SLC25A21: variants seen among roughly 807,000 people sequenced by gnomAD.
SLC25A21 encodes the protein mitochondrial 2-oxodicarboxylate carrier.
Under a neutral mutation model 43.8 loss-of-function variants are expected in SLC25A21, and 47 were observed. That is an observed-to-expected ratio of 1.07 (90% CI 0.85 to 1.37). The LOEUF is 1.37. SLC25A21 is among the 40% of genes most tolerant of loss of function. The pLI is 0.00. For missense variants in SLC25A21, 352 were observed against 350.2 expected (o/e 1.00, Z -0.04); for synonymous variants, 131 against 121.3 (o/e 1.08, Z -0.52).
chr14:36,784,806 C>T (rs1168499375), intron 3 of SLC25A21, among the ~76,000 whole-genome samples: 5 of 152,200 alleles, frequency 3.3e-5, no homozygotes, highest in Non-Finnish European at 5.9e-5. Flanking sequence ...TATCTTACTC[C>T]ATGAGTCAGC....
At chr14:37,031,457 C>T (rs939827631) in intron 1 of SLC25A21, among the ~76,000 whole-genome samples, 5 of 152,136 alleles carry the variant, frequency 3.3e-5, no homozygotes, top group African/African-American at 1.2e-4. Context: ...ATCATACAAA[C>T]ATCTATAATA....
chr14:36,712,282 A>G (rs568245625), intron 6 of SLC25A21, among the ~76,000 whole-genome samples: 94 of 152,230 alleles, frequency 6.2e-4, no homozygotes, highest in African/African-American at 2.1e-3. Flanking sequence ...TCTTTTTTGA[A>G]GGCACTGTAC....
At chr14:36,742,012 T>C (rs1459526112) in intron 3 of SLC25A21, among the ~76,000 whole-genome samples, 2 of 152,224 alleles carry the variant, frequency 1.3e-5, no homozygotes, top group Admixed American at 6.5e-5. Context: ...CAGTCAATCA[T>C]ATCTTTACAA....
At chr14:37,016,426 T>C (rs1439843934) in intron 1 of SLC25A21, among the ~76,000 whole-genome samples, 2 of 152,192 alleles carry the variant, frequency 1.3e-5, no homozygotes, top group Non-Finnish European at 2.9e-5. Context: ...ACCAGTACCA[T>C]GCTGTTTTGG....
intron 1 of SLC25A21, among the ~76,000 whole-genome samples, chr14:37,139,433 T>C (rs1049159469): frequency 2.0e-5 from 3 of 152,124 alleles, no homozygotes; most frequent in African/African-American, 7.2e-5. Context: ...ATTTGCTGCA[T>C]AACAATGCTT....
chr14:37,066,727 T>C (rs1962068275), intron 1 of SLC25A21, among the ~76,000 whole-genome samples: 1 of 152,106 alleles, frequency 6.6e-6, no homozygotes, highest in African/African-American at 2.4e-5. Context: ...TATAAGTATG[T>C]ATATTTACAT....
At chr14:36,808,410 C>T (rs1250689114) in intron 3 of SLC25A21, among the ~76,000 whole-genome samples, 1 of 152,180 alleles carries the variant, frequency 6.6e-6, no homozygotes, top group Non-Finnish European at 1.5e-5. Flanking sequence ...ATTTGCTTGA[C>T]TGAACATATA....
rs1428440041 is a variant in SLC25A21, at chr14:36,865,281, TAA to T, written c.119+9673_119+9674del. Among the ~76,000 whole-genome samples the T allele has an allele frequency of 3.9e-5, 6 of 152,244 alleles. No homozygotes were observed. The South Asian group carries it at 1.2e-3, about 32-fold the overall frequency. ...CCCATCCTCAGGTTTCTCTTTTTAA[TAA>T]AGTTTGTGGTGGGCTTATGCCTCTA... On this transcript the variant is annotated intron_variant, in intron 2 of 9. Transcript: ENST00000331299.
intron 5 of SLC25A21, among the ~76,000 whole-genome samples, chr14:36,726,467 A>T (rs999726346): frequency 6.6e-6 from 1 of 152,102 alleles, no homozygotes; most frequent in Non-Finnish European, 1.5e-5. Context: ...AAGAAGAAGA[A>T]AAAGAAGAAA....
chr14:36,896,422 G>A (rs1267097202), intron 1 of SLC25A21, among the ~76,000 whole-genome samples: 1 of 151,990 alleles, frequency 6.6e-6, no homozygotes, highest in Non-Finnish European at 1.5e-5. Flanking sequence ...TTTATTTTGA[G>A]CTTATATGTG....
chr14:36,799,387 T>C (rs958055947), intron 3 of SLC25A21, among the ~76,000 whole-genome samples: 6 of 152,152 alleles, frequency 3.9e-5, no homozygotes, highest in African/African-American at 7.2e-5. Context: ...AGGAGAAAGA[T>C]GGAACATTCT....
intron 2 of SLC25A21, among the ~76,000 whole-genome samples, chr14:36,833,328 G>C (rs889524507): frequency 6.6e-6 from 1 of 152,190 alleles, no homozygotes; most frequent in Non-Finnish European, 1.5e-5. Context: ...CAGCTTCTGG[G>C]GCAGTGAGCA....
chr14:37,030,366 G>A (rs914407444), intron 1 of SLC25A21, among the ~76,000 whole-genome samples: 1 of 152,040 alleles, frequency 6.6e-6, no homozygotes, highest in Non-Finnish European at 1.5e-5. Context: ...GGTCGTTTGA[G>A]GGTCAACTGT....
intron 1 of SLC25A21, among the ~76,000 whole-genome samples, chr14:36,896,954 C>G (rs1891258384): frequency 6.6e-6 from 1 of 152,162 alleles, no homozygotes; most frequent in African/African-American, 2.4e-5. Context: ...CGACCTTTCT[C>G]TCTGGCTGCC....
intron 1 of SLC25A21, among the ~76,000 whole-genome samples, chr14:37,168,322 C>T (rs1181631538): frequency 6.6e-6 from 1 of 152,116 alleles, no homozygotes; most frequent in Non-Finnish European, 1.5e-5. Context: ...ATGTAAAGAC[C>T]AATCTTCAGA....
chr14:36,835,593 C>T (rs1204874343), intron 2 of SLC25A21, among the ~76,000 whole-genome samples: 1 of 152,202 alleles, frequency 6.6e-6, no homozygotes, highest in Non-Finnish European at 1.5e-5. Context: ...ACAGAAGAGG[C>T]ACTCTCCCCA....
chr14:36,951,519 A>G (rs571571532), intron 1 of SLC25A21, among the ~76,000 whole-genome samples: 2 of 152,320 alleles, frequency 1.3e-5, no homozygotes, highest in Admixed American at 1.3e-4. Flanking sequence ...AAATAAAACA[A>G]ATAGGGCCTC....
At chr14:37,100,362 C>A (rs867917427) in intron 1 of SLC25A21, among the ~76,000 whole-genome samples, 7 of 151,784 alleles carry the variant, frequency 4.6e-5, no homozygotes, top group South Asian at 2.1e-4. Flanking sequence ...CTGGCTGCCA[C>A]CACCTCTAGG....
chr14:36,900,855 T>A (rs1230652986), intron 1 of SLC25A21, among the ~76,000 whole-genome samples: 1 of 152,176 alleles, frequency 6.6e-6, no homozygotes, highest in Non-Finnish European at 1.5e-5. Flanking sequence ...CAATAGGGCA[T>A]TTTGATTATT....
Sources: allele counts gnomAD v4.1 joint callset (sites outside exome capture counted in the v4.1 genomes callset), GRCh38; gene constraint gnomAD v4.1.1; transcripts MANE v1.5; gene names NCBI Gene and HGNC (gene_info 2026-07-23, HGNC 2026-07-21).